Variants in UBAC1 observed in about 807,000 individuals in gnomAD.
UBAC1 encodes UBA domain containing 1, also known as ubiquitin-associated domain-containing protein 1.
In UBAC1, 27 loss-of-function variants were observed where a neutral mutation model predicts 45.9. The observed-to-expected ratio is 0.59, with a 90% CI of 0.43 to 0.81. The LOEUF (loss-of-function observed/expected upper bound fraction) is 0.81. Among genes scored for constraint, UBAC1 ranks in the 30% least tolerant of loss-of-function variants. UBAC1 has a pLI of 0.00. For synonymous variants in UBAC1, 227 were observed against 215.5 expected (o/e 1.05, Z -0.47); for missense variants, 529 against 539.2 (o/e 0.98, Z 0.19).
chr9:135,936,379 C>T (rs1462803904), intron 9 of UBAC1, among the ~76,000 whole-genome samples: 2 of 152,070 alleles, frequency 1.3e-5, no homozygotes, highest in Non-Finnish European at 2.9e-5. Context: ...CTACCTCACA[C>T]CACACACATA....
intron 7 of UBAC1, among the ~76,000 whole-genome samples, chr9:135,941,418 A>C (rs1030489810): frequency 1.3e-5 from 2 of 151,076 alleles, no homozygotes; most frequent in Admixed American, 6.6e-5. Context: ...AAAAGAAAAA[A>C]CTCTGTATTT....
rs147518190 is a variant in UBAC1, at chr9:135,945,106, G to A, written c.798C>T (p.Thr266=). Residue 266 remains threonine, a synonymous_variant, in exon 7 of 10, where the codon ACC becomes ACT. Transcript: ENST00000371756. ...TCAGCTCATCTCTGGCCTCCTCATC[G>A]GTGGCGCTGGCTCCCGCGGCAGCCT... ...ASEAAAGASA[T]DEEARDELTE... 1.6e-4 allele frequency: 253 copies of A among 1,613,968 alleles called. No individual in the cohort carries two copies. The highest frequency in any genetic ancestry group is 1.9e-4 in the Non-Finnish European group (225 of 1,179,994).
chr9:135,960,368 A>C (rs11103238), intron 1 of UBAC1, among the ~76,000 whole-genome samples: 41,171 of 152,056 alleles, frequency 0.27, 5,974 homozygotes, highest in Non-Finnish European at 0.34. Context: ...TACTCCTGGG[A>C]CTTCTCTCTT....
intron 1 of UBAC1, among the ~76,000 whole-genome samples, chr9:135,960,553 G>A (rs1267707749): frequency 1.3e-5 from 2 of 151,650 alleles, no homozygotes; most frequent in African/African-American, 4.8e-5. Flanking sequence ...CTTCATGAAG[G>A]AGCCTACGTT....
chr9:135,940,004 C>T (rs1055515895), intron 7 of UBAC1, among the ~76,000 whole-genome samples: 42 of 152,360 alleles, frequency 2.8e-4, no homozygotes, highest in African/African-American at 9.9e-4. Flanking sequence ...GTGCAGCTCC[C>T]AGGCTTGTCT....
rs192603554 is a variant in UBAC1, at chr9:135,934,445, G to A, written c.1103-930C>T. On this transcript the variant is annotated intron_variant, in intron 9 of 9. Transcript: ENST00000371756. ...GGAGGCCGAAGCAGGCGGATCATGAGGTCAGGAGATCGAGACCATCCTGGC... is the reference window on the plus strand; with the variant it reads ...GGAGGCCGAAGCAGGCGGATCATGAAGTCAGGAGATCGAGACCATCCTGGC... Among the ~76,000 whole-genome samples, 8 of 152,366 alleles carry A rather than the reference G, an allele frequency of 5.3e-5. No individual in the cohort carries two copies. The East Asian group carries it at 1.3e-3, about 26-fold the overall frequency.
chr9:135,941,782 G>A (rs929035238), intron 7 of UBAC1, among the ~76,000 whole-genome samples: 4 of 149,634 alleles, frequency 2.7e-5, no homozygotes, highest in Admixed American at 2.0e-4. Context: ...CTCTGCCCCC[G>A]GACAGCAGGC....
rs780807817 is a variant in UBAC1, at chr9:135,933,421, G to A, written c.1197C>T (p.Phe399=). ...GPVMLQISRI[F]QTLNRT Reference sequence around the variant, plus strand: ...CCACCTACGTGCGATTTAGTGTCTGGAAGATTCTAGAGATCTGCAGCATGA... The same window carrying A: ...CCACCTACGTGCGATTTAGTGTCTGAAAGATTCTAGAGATCTGCAGCATGA... The change falls in exon 10 of 10, where the codon TTC becomes TTT. Residue 399 remains phenylalanine (F), a synonymous_variant. Transcript: ENST00000371756. 1.2e-6 allele frequency: 2 copies of A among 1,614,142 alleles called. No homozygotes were observed. Among genetic ancestry groups the A allele is most frequent in the Non-Finnish European group, 1.7e-6 (2 of 1,180,000 alleles).
At chr9:135,947,986 T>C in intron 3 of UBAC1, 81 bp from the exon 4 acceptor site, 3 of 1,333,002 alleles carry the variant, frequency 2.3e-6, no homozygotes, top group South Asian at 2.7e-5. Context: ...AGCGGAGCTC[T>C]GCCCAAGAAA....
At chr9:135,941,826 G>A (rs1321642743) in intron 7 of UBAC1, among the ~76,000 whole-genome samples, 3 of 152,254 alleles carry the variant, frequency 2.0e-5, no homozygotes, top group Non-Finnish European at 4.4e-5. Flanking sequence ...AGGGGCAGCA[G>A]GAAATCTGTT....
intron 1 of UBAC1, among the ~76,000 whole-genome samples, chr9:135,960,607 C>T (rs1839521987): frequency 6.6e-6 from 1 of 152,090 alleles, no homozygotes; most frequent in Admixed American, 6.5e-5. Context: ...AACCTCACCC[C>T]AACAGCAAAA....
chr9:135,937,302 G>A lies in UBAC1; in HGVS notation c.1102+920C>T, dbSNP rs55907616. On this transcript the variant is annotated intron_variant, in intron 9 of 9. Coordinates refer to ENST00000371756, the MANE Select transcript of UBAC1 (RefSeq NM_016172.3). ...CTAAAATACGAAAAATTAGCCAGGC[G>A]TGGTAGTGCACGCCTGTAATCCCAG... Among the ~76,000 whole-genome samples, 895 of 151,880 alleles carry A rather than the reference G, an allele frequency of 5.9e-3. 2 individuals are homozygous for A. Among genetic ancestry groups the A allele is most frequent in the Middle Eastern group, 0.017 (5 of 294 alleles).
intron 4 of UBAC1, 191 bp downstream of exon 4, chr9:135,947,607 C>T: frequency 2.0e-6 from 1 of 493,088 alleles, no homozygotes; most frequent in Non-Finnish European, 3.6e-6. Flanking sequence ...GGCTTTCCAA[C>T]TCTTACTTGG....
intron 7 of UBAC1, among the ~76,000 whole-genome samples, chr9:135,944,690 G>A (rs891617601): frequency 2.0e-5 from 3 of 152,242 alleles, no homozygotes; most frequent in Non-Finnish European, 4.4e-5. Context: ...TGCCGAACAG[G>A]GGGGGCTTGT....
intron 1 of UBAC1, among the ~76,000 whole-genome samples, chr9:135,959,436 G>A (rs1839506638): frequency 6.8e-6 from 1 of 147,120 alleles, no homozygotes; most frequent in Non-Finnish European, 1.5e-5. Context: ...GTGCAGTGGC[G>A]CGATCTCATC....
Position 135,933,259 on chromosome 9 carries a change from G to A in UBAC1, c.*141C>T. The A allele has an allele frequency of 1.5e-6, 1 of 653,572 alleles. No individual in the cohort carries two copies. Among genetic ancestry groups the A allele is most frequent in the South Asian group, 1.8e-5 (1 of 54,684 alleles). 40.5% of individuals were successfully genotyped at this position (653,572 alleles called of 1,614,324 possible). A position where few individuals can be genotyped will look rare whatever the true frequency, so the allele number is the denominator to read the frequency against. ...CCAAAGTTTATAAGCAATAAGATCA[G>A]AGAGCAGGAGCAGCTGCAGCACCTC... is the stretch of plus-strand genomic sequence containing the variant. On this transcript the variant is annotated 3_prime_UTR_variant, in exon 10 of 10. Transcript: ENST00000371756.
rs553447347 is a variant in UBAC1, at chr9:135,941,929, C to A, written c.877-2170G>T. On this transcript the variant is annotated intron_variant, in intron 7 of 9. Coordinates refer to ENST00000371756, the MANE Select transcript of UBAC1 (RefSeq NM_016172.3). ...CGACTGCCTGATCTCATGACTTGTA[C>A]AGAAACCAAAGGCTAGGAGGACTGA... 2.6e-5 allele frequency among the ~76,000 whole-genome samples: 4 copies of A among 152,322 alleles called. No homozygotes were observed. The South Asian group carries it at 6.2e-4, about 24-fold the overall frequency.
intron 7 of UBAC1, among the ~76,000 whole-genome samples, chr9:135,944,645 G>A (rs972475719): frequency 2.0e-5 from 3 of 152,164 alleles, no homozygotes; most frequent in Middle Eastern, 3.2e-3. Flanking sequence ...TGACCCTCCC[G>A]GTCTCTGGGC....
At chr9:135,939,509 C>T (rs1839242649) in intron 8 of UBAC1, among the ~76,000 whole-genome samples, 164 bp downstream of exon 8, 2 of 150,628 alleles carry the variant, frequency 1.3e-5, no homozygotes, top group African/African-American at 4.9e-5. Flanking sequence ...ACTCACTCAG[C>T]CCACACTCAC....
Sources: gnomAD v4.1 joint callset for allele counts (sites outside exome capture counted in the v4.1 genomes callset) on GRCh38, gnomAD v4.1.1 for gene constraint, MANE v1.5 for transcripts, NCBI Gene and HGNC (gene_info 2026-07-23, HGNC 2026-07-21) for gene names.